Variants in ESRRB observed in about 807,000 individuals in gnomAD.
ESRRB encodes steroid hormone receptor ERR2.
ESRRB carries 16 observed loss-of-function variants against 46.0 expected under a neutral mutation model. The observed-to-expected ratio is 0.35, with a 90% CI of 0.24 to 0.53. The LOEUF (loss-of-function observed/expected upper bound fraction) is 0.53. Among genes scored for constraint, ESRRB ranks in the 20% least tolerant of loss-of-function variants. The pLI, the probability that ESRRB is intolerant of heterozygous loss-of-function variation, is 0.93. For missense variants in ESRRB, 488 were observed against 607.4 expected, an observed-to-expected ratio of 0.80 and a Z score of 2.07; for synonymous variants, 246 against 259.6, an observed-to-expected ratio of 0.95 and a Z score of 0.50.
intron 1 of ESRRB, among the ~76,000 whole-genome samples, chr14:76,325,470 C>T (rs766034411): frequency 1.3e-5 from 2 of 152,058 alleles, no homozygotes; most frequent in African/African-American, 4.8e-5. Flanking sequence ...GGCAAGCACA[C>T]GGAGAAGGGA....
At chr14:76,486,588 G>A (rs1042258589) in intron 5 of ESRRB, among the ~76,000 whole-genome samples, 2 of 151,888 alleles carry the variant, frequency 1.3e-5, no homozygotes, top group African/African-American at 4.8e-5. Context: ...AATTCTAGGA[G>A]CTTGTGGTGC....
chr14:76,458,454 AC>A (rs1364890056), intron 2 of ESRRB, among the ~76,000 whole-genome samples: 2 of 100,502 alleles, frequency 2.0e-5, no homozygotes, highest in African/African-American at 7.4e-5. Context: ...ACACACACAC[AC>A]ACACACACAC....
At position 76,482,195 on chromosome 14, in the gene ESRRB, G is replaced by A. The variant is rs1004110477; in HGVS notation, c.688+69G>A. ...CCTGGAACATCAGGCATCCCTTAGG[G>A]AAACATCATCTTCCCACCACTGGGT... On this transcript the variant is annotated intron_variant, in intron 4 of 6. Coordinates refer to ENST00000644823, the MANE Select transcript of ESRRB (RefSeq NM_001379180.1). This position sits in a 1 kb window ranked among gnomAD's most constrained non-coding sequence, Gnocchi z 4.3. The A allele has an allele frequency of 2.0e-5, 23 of 1,174,922 alleles. No individual in the cohort carries two copies. The highest frequency in any genetic ancestry group is 2.9e-5 in the Non-Finnish European group (23 of 787,090). 72.8% of individuals were successfully genotyped at this position (1,174,922 alleles called of 1,614,324 possible). A position where few individuals can be genotyped will look rare whatever the true frequency, so the allele number is the denominator to read the frequency against.
chr14:76,345,863 T>C (rs1208596552), intron 1 of ESRRB, among the ~76,000 whole-genome samples: 1 of 152,226 alleles, frequency 6.6e-6, no homozygotes, highest in Non-Finnish European at 1.5e-5. Flanking sequence ...AGGTAGGTAC[T>C]GTGTGCCAGG....
chr14:76,404,650 C>T (rs550377605), intron 1 of ESRRB, among the ~76,000 whole-genome samples: 1 of 152,266 alleles, frequency 6.6e-6, no homozygotes, highest in Admixed American at 6.5e-5. Context: ...CCTCCCCTTC[C>T]CAGTGCTTAG....
At chr14:76,370,254 C>T (rs574549686), upstream of ESRRB, among the ~76,000 whole-genome samples, 156 of 150,914 alleles carry the variant, frequency 1.0e-3, no homozygotes, top group African/African-American at 3.6e-3. Flanking sequence ...AAAAGTTAGC[C>T]AGGTGTGGTG....
chr14:76,483,655 C>T (rs1177898393), intron 5 of ESRRB, among the ~76,000 whole-genome samples: 2 of 152,166 alleles, frequency 1.3e-5, no homozygotes, highest in African/African-American at 4.8e-5. Flanking sequence ...TTCCTCAACT[C>T]CTTTAAGACT....
At chr14:76,341,817 A>G (rs79181029) in intron 1 of ESRRB, among the ~76,000 whole-genome samples, 3,099 of 152,356 alleles carry the variant, frequency 0.02, 99 homozygotes, top group African/African-American at 0.07. Context: ...CACTGGAGGC[A>G]TGAGAATACC....
chr14:76,500,131 T>A lies in ESRRB; in HGVS notation c.*1673T>A. ...CCTCCTTGGCTCTACCCCAGGAACC[T>A]CCCGGCCTGGGCTTCTGGGCTGGGA... On this transcript the variant is annotated 3_prime_UTR_variant, in exon 7 of 7. Coordinates refer to ENST00000644823, the MANE Select transcript of ESRRB (RefSeq NM_001379180.1). 1.4e-6 allele frequency: 2 copies of A among 1,394,596 alleles called. No homozygotes were observed. Among genetic ancestry groups the A allele is most frequent in the South Asian group, 2.7e-5 (2 of 74,532 alleles). The allele number at this position is 1,394,596 out of a possible 1,614,324, so 86.4% of individuals were successfully genotyped here. A position where few individuals can be genotyped will look rare whatever the true frequency, so the allele number is the denominator to read the frequency against.
At chr14:76,452,949 G>A (rs1244750784) in intron 2 of ESRRB, among the ~76,000 whole-genome samples, 2 of 152,266 alleles carry the variant, frequency 1.3e-5, no homozygotes, top group Non-Finnish European at 2.9e-5. Flanking sequence ...AGTCTAAGGA[G>A]AGCCTCTAAG....
rs911634428 is a variant in ESRRB at position 76,499,047 on chromosome 14, C to T, written c.*589C>T. 5.5e-5 allele frequency: 19 copies of T among 347,004 alleles called. No individual in the cohort carries two copies. Among genetic ancestry groups the T allele is most frequent in the African/African-American group, 1.7e-4 (8 of 46,472 alleles). 21.5% of individuals were successfully genotyped at this position (347,004 alleles called of 1,614,324 possible). ...CCAGGGGGTACCCACAGGAGAGCAG[C>T]GGCTAGAGCTCAAGTGCTTCCTGGG... On this transcript the variant is annotated 3_prime_UTR_variant, in exon 7 of 7. Coordinates refer to ENST00000644823, the MANE Select transcript of ESRRB (RefSeq NM_001379180.1).
chr14:76,484,367 G>A (rs1029386714), intron 5 of ESRRB, among the ~76,000 whole-genome samples: 10 of 152,088 alleles, frequency 6.6e-5, no homozygotes, highest in Admixed American at 1.3e-4. Context: ...TCAACCTCTC[G>A]GGGATTACAC....
intron 1 of ESRRB, among the ~76,000 whole-genome samples, chr14:76,382,384 G>T (rs867856623): frequency 2.6e-5 from 4 of 152,190 alleles, no homozygotes; most frequent in Non-Finnish European, 4.4e-5. Context: ...CCTCTGGTTT[G>T]CCCAGAGGAT....
rs1890223954 is a variant in ESRRB, at chr14:76,491,470, G to C, written c.874G>C (p.Asp292His). Residue 292 changes from aspartate (D) to histidine (H), a missense_variant, in exon 6 of 7, where the codon GAC becomes CAC. Physicochemically the swap from Asp to His is moderately conservative, Grantham distance 81. Coordinates refer to ENST00000644823, the MANE Select transcript of ESRRB (RefSeq NM_001379180.1). Reference protein sequence around the residue: ...IPGFSSLSLGDQMSLLQSAWM... With the variant: ...IPGFSSLSLGHQMSLLQSAWM... ...AGGCTTCTCAAGCCTCTCCCTGGGG[G>C]ACCAGATGAGCCTGCTGCAGAGTGC... The C allele has an allele frequency of 6.2e-7, 1 of 1,608,066 alleles. No individual in the cohort carries two copies. Among genetic ancestry groups the C allele is most frequent in the Non-Finnish European group, 8.5e-7 (1 of 1,177,800 alleles).
At position 76,500,069 on chromosome 14, in the gene ESRRB, A is replaced by G; in HGVS notation, c.*1611A>G. The G allele has an allele frequency of 6.5e-7, 1 of 1,549,608 alleles. No individual in the cohort carries two copies. The highest frequency in any genetic ancestry group is 1.4e-5 in the African/African-American group (1 of 73,066). On this transcript the variant is annotated 3_prime_UTR_variant, in exon 7 of 7. Transcript: ENST00000644823. ...GCACTAGGACACCAGGAGGCCAGGTAACTTTCTGCAGCTTTTCCATAGAAG... is the reference window on the plus strand; with the variant it reads ...GCACTAGGACACCAGGAGGCCAGGTGACTTTCTGCAGCTTTTCCATAGAAG...
chr14:76,382,838 T>G (rs1286906801), intron 1 of ESRRB, among the ~76,000 whole-genome samples: 2 of 152,164 alleles, frequency 1.3e-5, no homozygotes, highest in Non-Finnish European at 2.9e-5. Flanking sequence ...GAAAGTTTCT[T>G]TTTTAAAAAA....
intron 3 of ESRRB, 28 bp downstream of exon 3, chr14:76,462,689 A>T (rs758303559): frequency 3.3e-6 from 5 of 1,525,438 alleles, no homozygotes; most frequent in Non-Finnish European, 4.5e-6. Flanking sequence ...GTCGGGGTTC[A>T]CTGTGAGGCT....
intron 1 of ESRRB, among the ~76,000 whole-genome samples, chr14:76,429,719 C>T (rs1181369304): frequency 1.3e-5 from 2 of 152,098 alleles, no homozygotes; most frequent in African/African-American, 2.4e-5. Context: ...CATTGCACTC[C>T]AGCCTGGGCA....
At chr14:76,441,640 G>A (rs1332747194) in intron 2 of ESRRB, among the ~76,000 whole-genome samples, 3 of 152,210 alleles carry the variant, frequency 2.0e-5, no homozygotes, top group South Asian at 2.1e-4. Flanking sequence ...TGTTAATTGC[G>A]TCAGGCCCTG....
Sources: gnomAD v4.1 joint callset for allele counts (sites outside exome capture counted in the v4.1 genomes callset) on GRCh38, gnomAD v4.1.1 for gene constraint, Gnocchi (gnomAD v3.1) non-coding constraint, MANE v1.5 for transcripts, NCBI Gene and HGNC (gene_info 2026-07-23, HGNC 2026-07-21) for gene names.